The following FAM107B variants were observed in gnomAD, a reference collection of about 807,000 sequenced individuals.
FAM107B encodes protein FAM107B.
Under a neutral mutation model 31.5 loss-of-function variants are expected in FAM107B, and 21 were observed. The observed-to-expected ratio is 0.67, with a 90% CI of 0.47 to 0.96. FAM107B has a LOEUF of 0.96. FAM107B is among the 40% of genes least tolerant of loss of function. The pLI is 0.00. For synonymous variants in FAM107B, 157 were observed against 141.5 expected (o/e 1.11, Z -0.78); for missense variants, 452 against 377.1 (o/e 1.20, Z -1.64).
At chr10:14,691,786 C>T (rs1279087702) in intron 1 of FAM107B, among the ~76,000 whole-genome samples, 2 of 150,662 alleles carry the variant, frequency 1.3e-5, no homozygotes, top group African/African-American at 4.9e-5. Context: ...CCCAGCTACT[C>T]AGGAGGCTGA....
At chr10:14,594,328 G>A (rs1364329573) in intron 2 of FAM107B, among the ~76,000 whole-genome samples, 3 of 151,942 alleles carry the variant, frequency 2.0e-5, no homozygotes, top group Non-Finnish European at 4.4e-5. Context: ...AACAGAACAA[G>A]ACTTCATCTC....
At chr10:14,704,247 G>A (rs946433552) in intron 1 of FAM107B, among the ~76,000 whole-genome samples, 5 of 149,816 alleles carry the variant, frequency 3.3e-5, no homozygotes, top group Admixed American at 2.7e-4. Flanking sequence ...GAGGCTAATT[G>A]TAAAGGTTTA....
intron 1 of FAM107B, among the ~76,000 whole-genome samples, chr10:14,678,291 G>C (rs772678236): frequency 6.6e-6 from 1 of 152,146 alleles, no homozygotes; most frequent in Non-Finnish European, 1.5e-5. Context: ...TACGTATTAT[G>C]TTCCCTTCCT....
At chr10:14,695,498 T>C (rs1277965689) in intron 1 of FAM107B, among the ~76,000 whole-genome samples, 5 of 152,174 alleles carry the variant, frequency 3.3e-5, no homozygotes, top group African/African-American at 1.2e-4. Context: ...ATATGAATTT[T>C]AGAATTTTTT....
At chr10:14,530,310 T>C (rs1482088744) in intron 3 of FAM107B, 22 bp downstream of exon 3, 5 of 1,583,692 alleles carry the variant, frequency 3.2e-6, no homozygotes. Context: ...AAAAAAAAAA[T>C]ATGCTCAAGA....
chr10:14,532,336 C>A (rs889745398), intron 2 of FAM107B, among the ~76,000 whole-genome samples: 2 of 152,082 alleles, frequency 1.3e-5, no homozygotes, highest in African/African-American at 4.8e-5. Flanking sequence ...GTCCACCAAA[C>A]CAAAGCAACA....
chr10:14,716,117 A>T lies in FAM107B; in HGVS notation c.412-48426T>A, dbSNP rs114053326. ...ATTGGTTTTCCATCCACCCTTCCAT[A>T]GAAGAAGAGAATCTCATTTATAATC... On this transcript the variant is annotated intron_variant, in intron 1 of 4. Coordinates refer to ENST00000181796, the MANE Select transcript of FAM107B (RefSeq NM_031453.4). 8.1e-3 allele frequency among the ~76,000 whole-genome samples: 1,233 copies of T among 152,306 alleles called. 12 individuals carry two copies. Among genetic ancestry groups the T allele is most frequent in the African/African-American group, 0.028 (1,151 of 41,558 alleles).
intron 1 of FAM107B, among the ~76,000 whole-genome samples, chr10:14,756,445 C>T (rs1832932630): frequency 6.6e-6 from 1 of 152,214 alleles, no homozygotes; most frequent in Admixed American, 6.5e-5. Flanking sequence ...GGGCCTCATC[C>T]AATCATTCAA....
intron 1 of FAM107B, among the ~76,000 whole-genome samples, chr10:14,719,078 T>A (rs1855850922): frequency 1.3e-5 from 2 of 152,178 alleles, no homozygotes; most frequent in Admixed American, 1.3e-4. Flanking sequence ...GCCCATCAAA[T>A]GCACTTAGCT....
intron 2 of FAM107B, chr10:14,554,225 C>G (rs1002649591): frequency 2.3e-6 from 2 of 858,098 alleles, no homozygotes; most frequent in African/African-American, 1.8e-5. Flanking sequence ...ACCTCCCCCA[C>G]GAATACTTCC....
intron 2 of FAM107B, among the ~76,000 whole-genome samples, chr10:14,623,772 G>A (rs1022764017): frequency 6.6e-6 from 1 of 152,180 alleles, no homozygotes; most frequent in African/African-American, 2.4e-5. Context: ...GCCGCAGTGA[G>A]CTGAGATCGC....
chr10:14,627,926 A>G (rs766480291), intron 2 of FAM107B, among the ~76,000 whole-genome samples: 21 of 152,104 alleles, frequency 1.4e-4, no homozygotes, highest in Non-Finnish European at 2.9e-4. Flanking sequence ...AATTGAGAGT[A>G]ACTACGAAGG....
intron 1 of FAM107B, among the ~76,000 whole-genome samples, chr10:14,734,914 T>C (rs1244126627): frequency 6.6e-6 from 1 of 152,014 alleles, no homozygotes; most frequent in African/African-American, 2.4e-5. Flanking sequence ...GAAAACAAAT[T>C]GATATACGCA....
intron 2 of FAM107B, among the ~76,000 whole-genome samples, chr10:14,645,467 G>A (rs1344522439): frequency 7.0e-6 from 1 of 142,224 alleles, no homozygotes; most frequent in Non-Finnish European, 1.5e-5. Context: ...GTGGCTGTCT[G>A]ATTCAGATGG....
At chr10:14,555,427 G>T (rs1012158741) in intron 2 of FAM107B, among the ~76,000 whole-genome samples, 5 of 152,092 alleles carry the variant, frequency 3.3e-5, no homozygotes, top group Admixed American at 3.3e-4. Flanking sequence ...TATGAACTTG[G>T]AATCATACTC....
intron 2 of FAM107B, among the ~76,000 whole-genome samples, chr10:14,608,910 A>G (rs558557958): frequency 1.3e-4 from 20 of 152,320 alleles, no homozygotes; most frequent in African/African-American, 4.6e-4. Flanking sequence ...ATGAGGAACT[A>G]CAGAATGGAG....
chr10:14,636,271 C>CAAAAA (rs56401366), intron 2 of FAM107B, among the ~76,000 whole-genome samples: 1 of 85,300 alleles, frequency 1.2e-5, no homozygotes, highest in African/African-American at 3.6e-5. Context: ...AAAAAGGAGC[C>CAAAAA]AAAAAAAAAA....
intron 1 of FAM107B, among the ~76,000 whole-genome samples, chr10:14,684,389 T>C (rs1854922223): frequency 6.6e-6 from 1 of 152,098 alleles, no homozygotes; most frequent in Admixed American, 6.5e-5. Flanking sequence ...GAGGTGGAAG[T>C]TGCAGTGAGC....
intron 2 of FAM107B, among the ~76,000 whole-genome samples, chr10:14,532,152 C>T (rs1847093606): frequency 6.6e-6 from 1 of 152,156 alleles, no homozygotes; most frequent in African/African-American, 2.4e-5. Context: ...GCACGGTGCT[C>T]GCTGGCCTGT....
Sources: allele counts gnomAD v4.1 joint callset (sites outside exome capture counted in the v4.1 genomes callset), GRCh38; gene constraint gnomAD v4.1.1; transcripts MANE v1.5; gene names NCBI Gene and HGNC (gene_info 2026-07-23, HGNC 2026-07-21).